FGL1: variants seen among roughly 807,000 people sequenced by gnomAD.
The protein encoded by FGL1 is fibrinogen-like protein 1.
FGL1 carries 59 observed loss-of-function variants against 43.7 expected under a neutral mutation model. The observed-to-expected ratio is 1.35, with a 90% CI of 1.10 to 1.68. FGL1 has a LOEUF of 1.68. FGL1 is among the 40% of genes most tolerant of loss of function. The pLI is 0.00. For synonymous variants in FGL1, 192 were observed against 126.5 expected, an observed-to-expected ratio of 1.52 and a Z score of -3.48; for missense variants, 596 against 373.0, an observed-to-expected ratio of 1.60 and a Z score of -4.92.
At chr8:17,874,188 C>G (rs2053408391) in intron 4 of FGL1, 72 bp from the exon 5 acceptor site, 3 of 1,351,852 alleles carry the variant, frequency 2.2e-6, no homozygotes, top group Admixed American at 2.0e-5. Flanking sequence ...CCACCCACCC[C>G]CTGCTACCAC....
intron 1 of FGL1, among the ~76,000 whole-genome samples, chr8:17,887,345 G>A (rs1016194381): frequency 5.3e-5 from 8 of 152,138 alleles, no homozygotes; most frequent in Non-Finnish European, 1.2e-4. Context: ...ATGCACCTGG[G>A]AGAGGTATAA....
At chr8:17,882,561 T>C (rs903597674) in intron 2 of FGL1, 2 of 155,276 alleles carry the variant, frequency 1.3e-5, no homozygotes, top group African/African-American at 4.8e-5. Context: ...TCAATCTCTA[T>C]ATGACATTGC....
chr8:17,864,518 A>G lies in FGL1; in HGVS notation c.*74T>C, dbSNP rs1371315931. On this transcript the variant is annotated 3_prime_UTR_variant, in exon 8 of 8. Coordinates refer to ENST00000427924, the MANE Select transcript of FGL1 (RefSeq NM_004467.4). ...ACAGTTATCATGATTGCGCATGGAT[A>G]TGTTCAGAATGAGTATTTTTCAAAT... The G allele has an allele frequency of 3.7e-5, 54 of 1,455,702 alleles. No homozygotes were observed. Among genetic ancestry groups the G allele is most frequent in the Non-Finnish European group, 4.8e-5 (52 of 1,078,078 alleles). 90.2% of individuals were successfully genotyped at this position (1,455,702 alleles called of 1,614,324 possible).
chr8:17,866,150 C>A (rs1290941346), intron 7 of FGL1, among the ~76,000 whole-genome samples: 1 of 152,180 alleles, frequency 6.6e-6, no homozygotes, highest in Admixed American at 6.5e-5. Flanking sequence ...AGGAAACTGA[C>A]TCTGTGATGA....
intron 3 of FGL1, among the ~76,000 whole-genome samples, chr8:17,879,480 G>C (rs1329234312): frequency 2.0e-5 from 3 of 152,196 alleles, no homozygotes; most frequent in East Asian, 1.9e-4. Flanking sequence ...TGGCTCATGG[G>C]GGTGGAGTTG....
intron 1 of FGL1, chr8:17,885,881 A>G (rs941697316): frequency 4.6e-6 from 1 of 215,886 alleles, no homozygotes. Context: ...ATTTAATGTT[A>G]CACATCAAGG....
intron 3 of FGL1, among the ~76,000 whole-genome samples, chr8:17,880,832 T>C (rs1054981553): frequency 6.6e-6 from 1 of 152,220 alleles, no homozygotes; most frequent in Admixed American, 6.5e-5. Context: ...TAGAGAATAA[T>C]GATTTGTGCA....
At chr8:17,891,616 A>T in intron 1 of FGL1, 1 of 912,684 alleles carries the variant, frequency 1.1e-6, no homozygotes, top group Non-Finnish European at 1.3e-6. Context: ...TTGGGGGCAC[A>T]GCTGAACCTA....
rs1172572579 is a variant in FGL1, at chr8:17,875,481, C to CTCTT, written c.245-964_245-961dup. On this transcript the variant is annotated intron_variant, in intron 3 of 7. Transcript: ENST00000427924. ...CCCCTTTGTCACCAAAAAGTGATATCTCTTTCTTTCTTTCTTTCTTTCTTT... is the reference window on the plus strand; with the variant it reads ...CCCCTTTGTCACCAAAAAGTGATATCTCTTTCTTTCTTTCTTTCTTTCTTTCTTT... Among the ~76,000 whole-genome samples the CTCTT allele has an allele frequency of 8.3e-3, 1,071 of 129,526 alleles. 34 individuals carry two copies. Among genetic ancestry groups the CTCTT allele is most frequent in the Admixed American group, 0.015 (183 of 12,428 alleles). 85.0% of individuals were successfully genotyped at this position (129,526 alleles called of 152,430 possible). A position where few individuals can be genotyped will look rare whatever the true frequency, so the allele number is the denominator to read the frequency against.
intron 3 of FGL1, among the ~76,000 whole-genome samples, chr8:17,881,364 T>C (rs2053532648): frequency 6.6e-6 from 1 of 151,780 alleles, no homozygotes; most frequent in Non-Finnish European, 1.5e-5. Flanking sequence ...CTAGATCTCC[T>C]GACCTTGTAA....
intron 5 of FGL1, among the ~76,000 whole-genome samples, chr8:17,872,456 C>G (rs34464914): frequency 2.0e-5 from 3 of 152,092 alleles, no homozygotes; most frequent in Non-Finnish European, 4.4e-5. Flanking sequence ...TGCTGTGCCA[C>G]CATGCCTGGC....
Position 17,876,543 on chromosome 8 carries a change from G to T in FGL1, c.245-2022C>A, listed in dbSNP as rs192969626. Among the ~76,000 whole-genome samples the T allele has an allele frequency of 3.9e-5, 6 of 152,160 alleles. No individual in the cohort carries two copies. The South Asian group carries it at 8.3e-4, about 21-fold the overall frequency. On this transcript the variant is annotated intron_variant, in intron 3 of 7. Transcript: ENST00000427924. ...TAAATTATAAAAAGGATCCTGTTTT[G>T]GCAATTAAACAAGAAGCAAAACAAT...
intron 5 of FGL1, among the ~76,000 whole-genome samples, chr8:17,869,973 G>A (rs2053332981): frequency 6.6e-6 from 1 of 152,128 alleles, no homozygotes; most frequent in Admixed American, 6.6e-5. Context: ...AGCCGGGCAT[G>A]GTGGCGGGCA....
Position 17,874,125 on chromosome 8 carries a change from G to T in FGL1, c.405-9C>A. 2 of 1,606,906 alleles carry T rather than the reference G, an allele frequency of 1.2e-6. No individual in the cohort carries two copies. Among genetic ancestry groups the T allele is most frequent in the Non-Finnish European group, 1.7e-6 (2 of 1,176,146 alleles). On this transcript the variant is annotated splice_polypyrimidine_tract_variant and intron_variant, in intron 4 of 7. Transcript: ENST00000427924. Reference sequence around the variant, plus strand: ...CATAGTCTTTCCATCCTCTAAAAAAGGTAAAGTGGAAGCCGATTAGAGCAA... The same window carrying T: ...CATAGTCTTTCCATCCTCTAAAAAATGTAAAGTGGAAGCCGATTAGAGCAA...
intron 5 of FGL1, among the ~76,000 whole-genome samples, chr8:17,871,125 G>A (rs541436991): frequency 5.7e-4 from 86 of 152,192 alleles, no homozygotes; most frequent in Non-Finnish European, 9.7e-4. Flanking sequence ...TCTCAAGGTA[G>A]TAAAGGTCAC....
At chr8:17,870,929 C>T (rs1374798574) in intron 5 of FGL1, among the ~76,000 whole-genome samples, 2 of 147,764 alleles carry the variant, frequency 1.4e-5, no homozygotes, top group African/African-American at 5.0e-5. Flanking sequence ...ATTTTTTAGC[C>T]TCCCCTCAAG....
At chr8:17,879,161 CTG>C (rs1349989769) in intron 3 of FGL1, among the ~76,000 whole-genome samples, 1 of 151,500 alleles carries the variant, frequency 6.6e-6, no homozygotes, top group Non-Finnish European at 1.5e-5. Flanking sequence ...TTCCTATCAT[CTG>C]TCTTATTATT....
At chr8:17,877,084 C>A (rs750683492) in intron 3 of FGL1, among the ~76,000 whole-genome samples, 3 of 151,998 alleles carry the variant, frequency 2.0e-5, no homozygotes, top group Admixed American at 2.0e-4. Flanking sequence ...AGACTTAAAT[C>A]GTAACAGCAG....
At position 17,892,818 on chromosome 8, in the gene FGL1, G is replaced by C. The variant is rs143839650; in HGVS notation, c.-18+2629C>G. On this transcript the variant is annotated intron_variant, in intron 1 of 7. Coordinates refer to ENST00000427924, the MANE Select transcript of FGL1 (RefSeq NM_004467.4). ...TCTAGACTTTGCTTTAATGTTATTT[G>C]TTGAAAAATTTTTTTATTTGATTAA... Among the ~76,000 whole-genome samples, 723 of 152,226 alleles carry C rather than the reference G, an allele frequency of 4.7e-3. 5 individuals are homozygous for C. The highest frequency in any genetic ancestry group is 0.016 in the African/African-American group (685 of 41,546).
Sources: gnomAD v4.1 joint callset for allele counts (sites outside exome capture counted in the v4.1 genomes callset) on GRCh38, gnomAD v4.1.1 for gene constraint, MANE v1.5 for transcripts, NCBI Gene and HGNC (gene_info 2026-07-23, HGNC 2026-07-21) for gene names.